ZNF425: variants seen among roughly 807,000 people sequenced by gnomAD.
ZNF425 encodes the protein zinc finger protein 425.
Under a neutral mutation model 17.0 loss-of-function variants are expected in ZNF425, and 21 were observed. That is an observed-to-expected ratio of 1.23 (90% CI 0.88 to 1.78). ZNF425 has a LOEUF of 1.78. Ranked by LOEUF, ZNF425 falls within the 40% of genes most tolerant of loss-of-function variation. ZNF425 has a pLI of 0.00. For synonymous variants in ZNF425, 433 were observed against 384.1 expected (o/e 1.13, Z -1.49); for missense variants, 868 against 967.3 (o/e 0.90, Z 1.36).
In ZNF425 at chr7:149,103,990, G is replaced by A. The variant is rs759425349; in HGVS notation, c.1881C>T (p.Ser627=). 6.2e-7 allele frequency: 1 copy of A among 1,613,988 alleles called. No individual in the cohort carries two copies. The highest frequency in any genetic ancestry group is 8.5e-7 in the Non-Finnish European group (1 of 1,179,866). Reference sequence around the variant, plus strand: ...TTTGGCCACTGTGCTGCAGCAGGTGGCTTTTCAGGTTTCCCTTGAGGCGGA... The same window carrying A: ...TTTGGCCACTGTGCTGCAGCAGGTGACTTTTCAGGTTTCCCTTGAGGCGGA... ...KTFRLKGNLK[S]HLLQHSGQKP... is the part of the protein sequence containing the mutation. The change falls in exon 4 of 4, where the codon AGC becomes AGT. Residue 627 remains serine (S), a synonymous_variant. Transcript: ENST00000378061.
intron 3 of ZNF425, among the ~76,000 whole-genome samples, chr7:149,111,358 G>A (rs182694999): frequency 4.2e-4 from 63 of 151,248 alleles, no homozygotes; most frequent in Middle Eastern, 6.8e-3. Context: ...TTGGGAGGCC[G>A]AGTTGGATGG....
chr7:149,125,059 T>G (rs774340197), intron 1 of ZNF425, among the ~76,000 whole-genome samples: 2 of 152,030 alleles, frequency 1.3e-5, no homozygotes, highest in Non-Finnish European at 2.9e-5. Flanking sequence ...TTCCAGGAGA[T>G]TCCCAATCAC....
chr7:149,109,516 C>T (rs1826139407), intron 3 of ZNF425, among the ~76,000 whole-genome samples: 1 of 152,076 alleles, frequency 6.6e-6, no homozygotes, highest in Non-Finnish European at 1.5e-5. Context: ...TTTTAGAGTC[C>T]TCCTGGGATA....
At chr7:149,123,171 G>A (rs941916879) in intron 1 of ZNF425, among the ~76,000 whole-genome samples, 16 of 152,154 alleles carry the variant, frequency 1.1e-4, no homozygotes, top group African/African-American at 3.9e-4. Context: ...AACTAACCAG[G>A]GCGGCTCTTC....
chr7:149,113,702 C>G (rs981039061), intron 2 of ZNF425, among the ~76,000 whole-genome samples: 10 of 151,580 alleles, frequency 6.6e-5, no homozygotes, highest in African/African-American at 2.2e-4. Flanking sequence ...CAGGCGCCTG[C>G]CACCACGCCC....
intron 1 of ZNF425, among the ~76,000 whole-genome samples, chr7:149,120,860 A>G (rs1283077750): frequency 6.6e-6 from 1 of 152,196 alleles, no homozygotes; most frequent in East Asian, 1.9e-4. Context: ...CAGTTTGATT[A>G]GCCATTCACC....
intron 1 of ZNF425, among the ~76,000 whole-genome samples, chr7:149,122,884 G>A (rs572766606): frequency 1.2e-4 from 18 of 152,042 alleles, no homozygotes; most frequent in Non-Finnish European, 2.2e-4. Context: ...TAGTAGAGAC[G>A]GGGTTTCACC....
chr7:149,119,908 AC>A (rs1826325419), intron 1 of ZNF425, among the ~76,000 whole-genome samples: 1 of 152,192 alleles, frequency 6.6e-6, no homozygotes, highest in Non-Finnish European at 1.5e-5. Flanking sequence ...GAAGATGTGC[AC>A]GGGGTATATG....
intron 1 of ZNF425, among the ~76,000 whole-genome samples, chr7:149,124,533 T>C (rs878910429): frequency 2.6e-5 from 4 of 151,490 alleles, no homozygotes; most frequent in African/African-American, 9.7e-5. Flanking sequence ...TTTTTTGTTG[T>C]TGTTGTTGTT....
chr7:149,120,586 G>T (rs76689049), intron 1 of ZNF425, among the ~76,000 whole-genome samples: 5,547 of 152,204 alleles, frequency 0.036, 328 homozygotes, highest in African/African-American at 0.13. Context: ...ATTTTTACTG[G>T]ACGTTTATGT....
intron 1 of ZNF425, among the ~76,000 whole-genome samples, chr7:149,120,480 C>G (rs1408040088): frequency 6.6e-6 from 1 of 152,184 alleles, no homozygotes; most frequent in Non-Finnish European, 1.5e-5. Context: ...TGAGATCCAT[C>G]CAAGTTGTCA....
At chr7:149,126,174 A>C in intron 1 of ZNF425, 22 bp downstream of exon 1, 3 of 1,613,222 alleles carry the variant, frequency 1.9e-6, no homozygotes, top group Non-Finnish European at 2.5e-6. Context: ...CAGAGCCTGC[A>C]TCCTCCACCG....
At chr7:149,107,759 T>C (rs7808532) in intron 3 of ZNF425, among the ~76,000 whole-genome samples, 6,798 of 152,158 alleles carry the variant, frequency 0.045, 519 homozygotes, top group African/African-American at 0.15. Context: ...CCATTGCAGA[T>C]ATTCACTTAA....
intron 3 of ZNF425, among the ~76,000 whole-genome samples, chr7:149,111,252 C>A: frequency 6.6e-6 from 1 of 151,146 alleles, no homozygotes; most frequent in South Asian, 2.1e-4. Flanking sequence ...AGTTTGAGAC[C>A]AGACTGGCCA....
At chr7:149,120,097 T>G (rs931157440) in intron 1 of ZNF425, among the ~76,000 whole-genome samples, 15 of 152,140 alleles carry the variant, frequency 9.9e-5, no homozygotes, top group African/African-American at 3.6e-4. Context: ...ATCACAATTC[T>G]GCCATTTCAA....
chr7:149,125,825 G>A (rs1200431197), intron 1 of ZNF425: 8 of 396,652 alleles, frequency 2.0e-5, no homozygotes, highest in Non-Finnish European at 2.8e-5. Context: ...TGGGGAACCT[G>A]GTGGTCCCCG....
intron 1 of ZNF425, chr7:149,118,675 C>A: frequency 2.4e-6 from 1 of 409,830 alleles, no homozygotes; most frequent in Non-Finnish European, 4.9e-6. Flanking sequence ...ATTAGCTGGG[C>A]GTGATGGCAC....
At position 149,126,301 on chromosome 7, in the gene ZNF425, C is replaced by G; in HGVS notation, c.-88G>C. On this transcript the variant is annotated 5_prime_UTR_variant, in exon 1 of 4. Coordinates refer to ENST00000378061, the MANE Select transcript of ZNF425 (RefSeq NM_001001661.3). ...CTCCCAGGTACAGCCCTGCTGGCCCCCAAAGGCAGAGCCGGCCGGGCGCGG... is the reference window on the plus strand; with the variant it reads ...CTCCCAGGTACAGCCCTGCTGGCCCGCAAAGGCAGAGCCGGCCGGGCGCGG... The G allele has an allele frequency of 2.0e-6, 3 of 1,525,000 alleles. No homozygotes were observed. The highest frequency in any genetic ancestry group is 2.5e-5 in the East Asian group (1 of 39,872). 94.5% of individuals were successfully genotyped at this position (1,525,000 alleles called of 1,614,324 possible).
chr7:149,109,262 G>C (rs1563145977), intron 3 of ZNF425, among the ~76,000 whole-genome samples: 1 of 151,928 alleles, frequency 6.6e-6, no homozygotes, highest in Non-Finnish European at 1.5e-5. Context: ...ATTTTTAGTA[G>C]AGATAGGGGT....
Sources: allele counts gnomAD v4.1 joint callset (sites outside exome capture counted in the v4.1 genomes callset), GRCh38; gene constraint gnomAD v4.1.1; transcripts MANE v1.5; gene names NCBI Gene and HGNC (gene_info 2026-07-23, HGNC 2026-07-21).